Variants in VAV3 observed in about 807,000 individuals in gnomAD.
VAV3 encodes vav guanine nucleotide exchange factor 3, also known as guanine nucleotide exchange factor VAV3.
A neutral mutation model predicts 131.2 loss-of-function variants in VAV3; 94 were observed. That is an observed-to-expected ratio of 0.72 (90% CI 0.61 to 0.85). VAV3 has a LOEUF of 0.85. Among genes scored for constraint, VAV3 ranks in the 40% least tolerant of loss-of-function variants. The pLI is 0.00. For missense variants in VAV3, 939 were observed against 1,002.7 expected (o/e 0.94, Z 0.86); for synonymous variants, 349 against 342.0 (o/e 1.02, Z -0.22).
chr1:107,571,235 T>C lies in VAV3; in HGVS notation c.*2096A>G, dbSNP rs996890816. ...AGTGAAATACCACTCTAATTCACCG[T>C]ATTACACGAGGGCTGCATACAGGCA... On this transcript the variant is annotated 3_prime_UTR_variant, in exon 27 of 27. Coordinates refer to ENST00000370056, the MANE Select transcript of VAV3 (RefSeq NM_006113.5). 2.6e-5 allele frequency: 4 copies of C among 152,708 alleles called. No individual in the cohort carries two copies. The highest frequency in any genetic ancestry group is 5.9e-5 in the Non-Finnish European group (4 of 68,052). 9.5% of individuals were successfully genotyped at this position (152,708 alleles called of 1,614,324 possible).
chr1:107,696,203 A>T (rs1659735839), intron 17 of VAV3, among the ~76,000 whole-genome samples: 2 of 152,206 alleles, frequency 1.3e-5, no homozygotes, highest in Non-Finnish European at 2.9e-5. Flanking sequence ...TATGGGGTAC[A>T]GTGTGATATT....
chr1:107,828,877 A>G (rs1047700018), intron 2 of VAV3, among the ~76,000 whole-genome samples: 1 of 152,196 alleles, frequency 6.6e-6, no homozygotes, highest in Non-Finnish European at 1.5e-5. Flanking sequence ...TATCCTGTCT[A>G]CAAATGATCA....
At chr1:107,655,445 A>T (rs927636448) in intron 19 of VAV3, among the ~76,000 whole-genome samples, 11 of 152,198 alleles carry the variant, frequency 7.2e-5, no homozygotes, top group East Asian at 3.9e-4. Flanking sequence ...CTAGACCCCT[A>T]TATCTCAGCA....
At chr1:107,654,433 T>C (rs1169583656) in intron 19 of VAV3, among the ~76,000 whole-genome samples, 1 of 152,044 alleles carries the variant, frequency 6.6e-6, no homozygotes, top group Non-Finnish European at 1.5e-5. Flanking sequence ...ATACTAAAAA[T>C]TTAAGGCATT....
chr1:107,624,640 T>C (rs1653870986), intron 20 of VAV3, among the ~76,000 whole-genome samples: 2 of 152,074 alleles, frequency 1.3e-5, no homozygotes, highest in Non-Finnish European at 2.9e-5. Context: ...CAAATGAATG[T>C]TTTTCTATCC....
chr1:107,573,900 C>G, intron 26 of VAV3, 147 bp downstream of exon 26: 1 of 1,047,616 alleles, frequency 9.5e-7, no homozygotes, highest in East Asian at 2.6e-5. Flanking sequence ...ATCAGCAAAA[C>G]ACAGCACCAG....
At chr1:107,828,645 A>G (rs1668116242) in intron 2 of VAV3, among the ~76,000 whole-genome samples, 1 of 152,070 alleles carries the variant, frequency 6.6e-6, no homozygotes, top group Admixed American at 6.6e-5. Context: ...CTCTTCCTCC[A>G]TCTTCAAAGC....
At chr1:107,669,436 G>T (rs1657626832) in intron 19 of VAV3, 1 of 1,289,452 alleles carries the variant, frequency 7.8e-7, no homozygotes, top group Non-Finnish European at 1.0e-6. Context: ...AGTAGCAGGG[G>T]CCATGGAAAT....
At chr1:107,630,770 C>T (rs1654406816) in intron 20 of VAV3, among the ~76,000 whole-genome samples, 1 of 152,050 alleles carries the variant, frequency 6.6e-6, no homozygotes. Context: ...TAAAAGGGGC[C>T]ACTGTAAACA....
rs72973699 is a variant in VAV3, at chr1:107,632,167, T to C, written c.1914+10452A>G. Among the ~76,000 whole-genome samples, 701 of 152,272 alleles carry C rather than the reference T, an allele frequency of 4.6e-3. 8 individuals are homozygous for C. Among genetic ancestry groups the C allele is most frequent in the African/African-American group, 0.016 (668 of 41,556 alleles). ...CAATTACCAACTGGTGAGCTGGGGATAGTGTCAAAATTACCATGGTCTCTT... is the reference window on the plus strand; with the variant it reads ...CAATTACCAACTGGTGAGCTGGGGACAGTGTCAAAATTACCATGGTCTCTT... On this transcript the variant is annotated intron_variant, in intron 20 of 26. Coordinates refer to ENST00000370056, the MANE Select transcript of VAV3 (RefSeq NM_006113.5).
chr1:107,782,863 C>T (rs1029560522), intron 2 of VAV3, among the ~76,000 whole-genome samples: 2 of 152,170 alleles, frequency 1.3e-5, no homozygotes, highest in Admixed American at 1.3e-4. Flanking sequence ...CAAAAGAAAA[C>T]ATCTCCAAGG....
intron 15 of VAV3, among the ~76,000 whole-genome samples, chr1:107,735,263 C>T (rs1378896091): frequency 6.6e-6 from 1 of 152,142 alleles, no homozygotes; most frequent in Non-Finnish European, 1.5e-5. Context: ...CAGGAAAGAT[C>T]TAAAATCGAC....
In VAV3 at chr1:107,603,165, T is replaced by A; in HGVS notation, c.2016-2A>T. ...AATCTTTCCATTGCTCCAGCATACC[T>A]GTAAAAAACAATGACACAGAAAATT... On this transcript the variant is annotated splice_acceptor_variant, in intron 22 of 26. Transcript: ENST00000370056. LOFTEE classifies it high-confidence loss of function. The A allele has an allele frequency of 6.2e-7, 1 of 1,610,578 alleles. No homozygotes were observed. The highest frequency in any genetic ancestry group is 8.5e-7 in the Non-Finnish European group (1 of 1,177,772).
intron 12 of VAV3, among the ~76,000 whole-genome samples, chr1:107,753,688 T>TAG (rs1236300109): frequency 1.1e-4 from 16 of 151,414 alleles, no homozygotes; most frequent in Admixed American, 1.1e-3. Flanking sequence ...GCCTCCCCAG[T>TAG]AGCTGGGACT....
At chr1:107,722,840 C>CTTTTTTTTTTTTTTTTTTTTTT (rs374127110) in intron 15 of VAV3, among the ~76,000 whole-genome samples, 1 of 129,812 alleles carries the variant, frequency 7.7e-6, no homozygotes, top group Non-Finnish European at 1.6e-5. Context: ...ATTATCCTCT[C>CTTTTTTTTTTTTTTTTTTTTTT]TTTTTTTTTT....
intron 1 of VAV3, among the ~76,000 whole-genome samples, chr1:107,952,321 T>C (rs1304505591): frequency 6.6e-6 from 1 of 151,462 alleles, no homozygotes; most frequent in Admixed American, 6.6e-5. Context: ...CAGTGCAGGA[T>C]GAGAAGAGGG....
chr1:107,914,319 C>T (rs991019773), intron 1 of VAV3, among the ~76,000 whole-genome samples: 1 of 152,172 alleles, frequency 6.6e-6, no homozygotes, highest in Non-Finnish European at 1.5e-5. Flanking sequence ...CAGTGACGTG[C>T]AATAAACATT....
At chr1:107,903,110 GAAGTT>G (rs997771571) in intron 1 of VAV3, among the ~76,000 whole-genome samples, 1 of 152,038 alleles carries the variant, frequency 6.6e-6, no homozygotes, top group Non-Finnish European at 1.5e-5. Context: ...GAAAAAAATC[GAAGTT>G]AAGACATGGG....
chr1:107,811,396 T>C (rs1020437804), intron 2 of VAV3, among the ~76,000 whole-genome samples: 1 of 152,108 alleles, frequency 6.6e-6, no homozygotes, highest in Non-Finnish European at 1.5e-5. Flanking sequence ...ACATTTTATT[T>C]TAAAATAGGA....
Sources: allele counts gnomAD v4.1 joint callset (sites outside exome capture counted in the v4.1 genomes callset), GRCh38; gene constraint gnomAD v4.1.1; transcripts MANE v1.5; gene names NCBI Gene and HGNC (gene_info 2026-07-23, HGNC 2026-07-21).